The following POLR3B variants were observed in gnomAD, a reference collection of about 807,000 sequenced individuals.
POLR3B encodes DNA-directed RNA polymerase III subunit RPC2.
In POLR3B, 96 loss-of-function variants were observed where a neutral mutation model predicts 147.4. That is an observed-to-expected ratio of 0.65 (90% CI 0.55 to 0.77). The LOEUF is 0.77. POLR3B is among the 30% of genes least tolerant of loss of function. The probability of loss-of-function intolerance (pLI) is 0.00; values close to 1 mark genes in which losing one functional copy is unlikely to be tolerated. For missense variants in POLR3B, 1,036 were observed against 1,413.5 expected (o/e 0.73, Z 4.28); for synonymous variants, 461 against 485.9 (o/e 0.95, Z 0.67).
rs12581541 is a variant in POLR3B at position 106,367,960 on chromosome 12, T to C, written c.227+1238T>C. Among the ~76,000 whole-genome samples, 900 of 152,308 alleles carry C rather than the reference T, an allele frequency of 5.9e-3. 11 individuals are homozygous for C. The highest frequency in any genetic ancestry group is 0.039 in the East Asian group (202 of 5,182). On this transcript the variant is annotated intron_variant, in intron 4 of 27. Coordinates refer to ENST00000228347, the MANE Select transcript of POLR3B (RefSeq NM_018082.6). ...TCCTTCTGCAGTGATACTGGAATTCTGTACAGAATAGTTTCCTTTTCCCCT... is the reference window on the plus strand; with the variant it reads ...TCCTTCTGCAGTGATACTGGAATTCCGTACAGAATAGTTTCCTTTTCCCCT...
intron 25 of POLR3B, among the ~76,000 whole-genome samples, chr12:106,499,484 A>G (rs1455472770): frequency 6.6e-6 from 1 of 152,202 alleles, no homozygotes; most frequent in Non-Finnish European, 1.5e-5. Flanking sequence ...GCATTTAAAT[A>G]TATCACCACC....
Position 106,357,802 on chromosome 12 carries a change from C to CG in POLR3B, c.-75dup, listed in dbSNP as rs372941570. Reference sequence around the variant, plus strand: ...GTTTAGGCCTCCGCGCACCGTTCGCCGGGAGTCTTGCAGTTTGCTTGGTGC... The same window carrying CG: ...GTTTAGGCCTCCGCGCACCGTTCGCCGGGGAGTCTTGCAGTTTGCTTGGTGC... On this transcript the variant is annotated 5_prime_UTR_variant, in exon 1 of 28. Transcript: ENST00000228347. 44 of 1,404,326 alleles carry CG rather than the reference C, an allele frequency of 3.1e-5. No homozygotes were observed. The highest frequency in any genetic ancestry group is 4.1e-4 in the Middle Eastern group (2 of 4,910). 87.0% of individuals were successfully genotyped at this position (1,404,326 alleles called of 1,614,324 possible).
At chr12:106,397,739 A>G (rs545310233) in intron 10 of POLR3B, among the ~76,000 whole-genome samples, 1 of 152,136 alleles carries the variant, frequency 6.6e-6, no homozygotes, top group Non-Finnish European at 1.5e-5. Context: ...AGTTTATCCT[A>G]TTGATAGACA....
At chr12:106,379,557 A>C (rs980246570) in intron 8 of POLR3B, among the ~76,000 whole-genome samples, 1 of 152,244 alleles carries the variant, frequency 6.6e-6, no homozygotes, top group Non-Finnish European at 1.5e-5. Flanking sequence ...ACTAACACAG[A>C]TACCAACAGA....
At chr12:106,363,930 G>A (rs2045930751) in intron 2 of POLR3B, 28 bp downstream of exon 2, 4 of 1,534,362 alleles carry the variant, frequency 2.6e-6, no homozygotes, top group Non-Finnish European at 3.6e-6. Context: ...AATAATAATT[G>A]GTTATTTTTC....
intron 22 of POLR3B, among the ~76,000 whole-genome samples, 190 bp from the exon 23 acceptor site, chr12:106,463,288 C>T (rs565374950): frequency 9.9e-5 from 15 of 152,066 alleles, no homozygotes; most frequent in South Asian, 6.2e-4. Flanking sequence ...TCATAATAAA[C>T]GTGTAGCATT....
intron 18 of POLR3B, 37 bp from the exon 19 acceptor site, chr12:106,444,426 G>C: frequency 5.0e-6 from 8 of 1,610,012 alleles, no homozygotes; most frequent in Non-Finnish European, 6.8e-6. Context: ...TTTTGTACTT[G>C]ATGCTTAAGA....
intron 23 of POLR3B, among the ~76,000 whole-genome samples, chr12:106,467,266 T>C (rs2038018997): frequency 1.3e-5 from 2 of 152,180 alleles, no homozygotes; most frequent in African/African-American, 4.8e-5. Context: ...CTGTTATTGG[T>C]GTATAGGAAT....
rs545561868 is a variant in POLR3B at position 106,430,350 on chromosome 12, C to T, written c.1341C>T (p.Ser447=). The change falls in exon 14 of 28, where the codon TCC becomes TCT. Residue 447 remains serine, a synonymous_variant. Coordinates refer to ENST00000228347, the MANE Select transcript of POLR3B (RefSeq NM_018082.6). Reference sequence around the variant, plus strand: ...TGCTGTCTCGCTTGTCATATATATCCGCACTGGGCATGATGACAAGAATCT... The same window carrying T: ...TGCTGTCTCGCTTGTCATATATATCTGCACTGGGCATGATGACAAGAATCT... ...TQVLSRLSYI[S]ALGMMTRISS... 3.5e-5 allele frequency: 57 copies of T among 1,613,854 alleles called. No individual in the cohort carries two copies. The highest frequency in any genetic ancestry group is 4.4e-5 in the South Asian group (4 of 91,074).
intron 22 of POLR3B, 117 bp from the exon 23 acceptor site, chr12:106,463,361 C>T: frequency 1.1e-6 from 1 of 887,340 alleles, no homozygotes; most frequent in Non-Finnish European, 1.8e-6. Flanking sequence ...TTTTCAGAGC[C>T]CAAGATGAAA....
chr12:106,424,277 A>G (rs1193297546), intron 12 of POLR3B, among the ~76,000 whole-genome samples: 1 of 152,116 alleles, frequency 6.6e-6, no homozygotes, highest in Non-Finnish European at 1.5e-5. Flanking sequence ...TGGGACTAGA[A>G]CACTTCATGG....
chr12:106,401,306 A>T (rs1320539995), intron 10 of POLR3B, among the ~76,000 whole-genome samples: 2 of 152,214 alleles, frequency 1.3e-5, no homozygotes, highest in African/African-American at 4.8e-5. Context: ...GACCAATAAC[A>T]GGCTCTGAAA....
chr12:106,437,334 CAGTT>C (rs1246943648), intron 17 of POLR3B, among the ~76,000 whole-genome samples: 2 of 152,120 alleles, frequency 1.3e-5, no homozygotes, highest in Non-Finnish European at 2.9e-5. Flanking sequence ...GTCTTGATGT[CAGTT>C]AGTACACAAG....
rs73392629 is a variant in POLR3B, at chr12:106,432,050, G to A, written c.1465-268G>A. Among the ~76,000 whole-genome samples, 1,745 of 151,926 alleles carry A rather than the reference G, an allele frequency of 0.011. 38 individuals are homozygous for A. The highest frequency in any genetic ancestry group is 0.04 in the African/African-American group (1,665 of 41,320). On this transcript the variant is annotated intron_variant, in intron 14 of 27. Transcript: ENST00000228347. ...AGTTTTGTTGGGCATTTATGATGTCGTCAGCATTTACAATTACAAATAGTA... is the reference window on the plus strand; with the variant it reads ...AGTTTTGTTGGGCATTTATGATGTCATCAGCATTTACAATTACAAATAGTA...
At position 106,369,260 on chromosome 12, in the gene POLR3B, T is replaced by C. The variant is rs1029248463; in HGVS notation, c.228-15T>C. On this transcript the variant is annotated splice_polypyrimidine_tract_variant and intron_variant, in intron 4 of 27. Coordinates refer to ENST00000228347, the MANE Select transcript of POLR3B (RefSeq NM_018082.6). ...CGAAGAAGTATAATTCATACCGCAC[T>C]AATTTGCTTTTCAGATATCTTAATA... is the stretch of plus-strand genomic sequence containing the variant. 2.1e-6 allele frequency: 3 copies of C among 1,436,520 alleles called. No individual in the cohort carries two copies. The highest frequency in any genetic ancestry group is 3.3e-5 in the Admixed American group (2 of 59,792). 89.0% of individuals were successfully genotyped at this position (1,436,520 alleles called of 1,614,324 possible).
intron 12 of POLR3B, among the ~76,000 whole-genome samples, chr12:106,425,294 C>T (rs1479575268): frequency 1.3e-5 from 2 of 152,140 alleles, no homozygotes; most frequent in Admixed American, 6.6e-5. Context: ...CCTGCTCCTC[C>T]CCTAGGGAAA....
At chr12:106,415,741 TAATA>T (rs2136942317) in intron 12 of POLR3B, among the ~76,000 whole-genome samples, 1 of 152,274 alleles carries the variant, frequency 6.6e-6, no homozygotes, top group South Asian at 2.1e-4. Flanking sequence ...GCAGTAAAAA[TAATA>T]AATATTGTAA....
chr12:106,504,290 C>G lies in POLR3B; in HGVS notation c.3272+36C>G. On this transcript the variant is annotated intron_variant, in intron 27 of 27. Transcript: ENST00000228347. This position sits in a 1 kb window ranked among gnomAD's most constrained non-coding sequence, Gnocchi z 4.6. The stretch of plus-strand genomic sequence containing the variant: ...ACCATATGTCTCCCATACCACACCC[C>G]TTGCCTCTTAAATCACAGCTCAAGA... The G allele has an allele frequency of 6.5e-7, 1 of 1,550,152 alleles. No individual in the cohort carries two copies. Among genetic ancestry groups the G allele is most frequent in the Non-Finnish European group, 8.9e-7 (1 of 1,121,590 alleles).
At chr12:106,459,197 T>G (rs554011440) in intron 21 of POLR3B, 54 bp from the exon 22 acceptor site, 38 of 1,012,092 alleles carry the variant, frequency 3.8e-5, no homozygotes, top group African/African-American at 2.5e-4. Context: ...TTCGTAATCT[T>G]TGTATTCCAC....
Sources: allele counts gnomAD v4.1 joint callset (sites outside exome capture counted in the v4.1 genomes callset), GRCh38; gene constraint gnomAD v4.1.1; non-coding constraint Gnocchi (gnomAD v3.1); transcripts MANE v1.5; gene names NCBI Gene and HGNC (gene_info 2026-07-23, HGNC 2026-07-21).